The following MYBPC1 variants were observed in gnomAD, a reference collection of about 807,000 sequenced individuals.
The protein encoded by MYBPC1 is myosin binding protein C1.
In MYBPC1, 52 loss-of-function variants were observed where a neutral mutation model predicts 147.1. The observed-to-expected ratio is 0.35, with a 90% CI of 0.28 to 0.45. The LOEUF is 0.45. Among genes scored for constraint, MYBPC1 ranks in the 20% least tolerant of loss-of-function variants. The probability of loss-of-function intolerance (pLI) is 1.00; values close to 1 mark genes in which losing one functional copy is unlikely to be tolerated. For synonymous variants in MYBPC1, 477 were observed against 475.9 expected (o/e 1.00, Z -0.03); for missense variants, 1,228 against 1,440.3 (o/e 0.85, Z 2.39).
At chr12:101,641,785 A>C (rs1285762915) in intron 10 of MYBPC1, among the ~76,000 whole-genome samples, 1 of 152,106 alleles carries the variant, frequency 6.6e-6, no homozygotes, top group African/African-American at 2.4e-5. Flanking sequence ...CAGTATCCAT[A>C]AAAACCATGT....
chr12:101,629,037 A>G, intron 5 of MYBPC1: 1 of 298,324 alleles, frequency 3.4e-6, no homozygotes, highest in Non-Finnish European at 6.5e-6. Context: ...ATGTAGTTGT[A>G]TCGATGTGGC....
At chr12:101,649,529 T>C in intron 15 of MYBPC1, 103 bp downstream of exon 15, 1 of 1,342,958 alleles carries the variant, frequency 7.4e-7, no homozygotes, top group Admixed American at 1.7e-5. Flanking sequence ...TTGCGATGAT[T>C]TTTAAGTATG....
chr12:101,689,439 T>C (rs1039691065), downstream of MYBPC1, among the ~76,000 whole-genome samples: 40 of 152,132 alleles, frequency 2.6e-4, no homozygotes, highest in Admixed American at 2.6e-3. Context: ...TCAAACCCAG[T>C]ATGGTTCACT....
At position 101,594,992 on chromosome 12, in the gene MYBPC1, T is replaced by A; in HGVS notation, c.-79T>A. 1 of 1,427,120 alleles carries A rather than the reference T, an allele frequency of 7.0e-7. No individual in the cohort carries two copies. Among genetic ancestry groups the A allele is most frequent in the Non-Finnish European group, 9.9e-7 (1 of 1,012,102 alleles). 88.4% of individuals were successfully genotyped at this position (1,427,120 alleles called of 1,614,324 possible). A position where few individuals can be genotyped will look rare whatever the true frequency, so the allele number is the denominator to read the frequency against. ...GCTTGTCACACCGACCTGCACCATC[T>A]CTCGCCTGCCTGTGGGGTTTCTGTC... is the stretch of plus-strand genomic sequence containing the variant. On this transcript the variant is annotated 5_prime_UTR_variant, in exon 1 of 32. Transcript: ENST00000361466.
At chr12:101,690,185 A>AT (rs766603328), downstream of MYBPC1, among the ~76,000 whole-genome samples, 1 of 152,072 alleles carries the variant, frequency 6.6e-6, no homozygotes, top group African/African-American at 2.4e-5. Context: ...AAAAAAAAAA[A>AT]GAAATGAAAA....
At chr12:101,679,704 T>G (rs900767091) in intron 28 of MYBPC1, among the ~76,000 whole-genome samples, 2 of 151,992 alleles carry the variant, frequency 1.3e-5, no homozygotes, top group Non-Finnish European at 2.9e-5. Flanking sequence ...GAGGACAGAT[T>G]AAGTAATGAG....
intron 10 of MYBPC1, among the ~76,000 whole-genome samples, chr12:101,637,760 G>A (rs1727090): frequency 6.6e-6 from 1 of 152,112 alleles, no homozygotes; most frequent in African/African-American, 2.4e-5. Context: ...TGTTTAGTTA[G>A]ATAGCTGTAT....
chr12:101,666,021 A>G (rs546545630), intron 22 of MYBPC1, among the ~76,000 whole-genome samples: 3 of 152,070 alleles, frequency 2.0e-5, no homozygotes, highest in Non-Finnish European at 1.5e-5. Flanking sequence ...CCAGTCCCCA[A>G]TGCCTCCACT....
rs1343020898 is a variant in MYBPC1 at position 101,646,796 on chromosome 12, C to A, written c.999C>A (p.Ile333=). ...TTGAACACAAAGGATGCCAGAGAATCCTGTTTATCAATAACTGTCAGATGA... is the reference window on the plus strand; with the variant it reads ...TTGAACACAAAGGATGCCAGAGAATACTGTTTATCAATAACTGTCAGATGA... The part of the protein sequence containing the change: ...YIFEHKGCQR[I]LFINNCQMTD... Residue 333 remains isoleucine, a synonymous_variant, in exon 13 of 32, where the codon ATC becomes ATA. Coordinates refer to ENST00000361466, the MANE Select transcript of MYBPC1 (RefSeq NM_002465.4). The A allele has an allele frequency of 1.2e-6, 2 of 1,613,184 alleles. No individual in the cohort carries two copies. Among genetic ancestry groups the A allele is most frequent in the Non-Finnish European group, 1.7e-6 (2 of 1,179,122 alleles).
chr12:101,642,342 C>T lies in MYBPC1; in HGVS notation c.666-77C>T, dbSNP rs1005624732. 2.8e-5 allele frequency: 42 copies of T among 1,488,846 alleles called. 1 individual carries two copies. Among genetic ancestry groups the T allele is most frequent in the Non-Finnish European group, 3.4e-5 (37 of 1,072,868 alleles). The allele number at this position is 1,488,846 out of a possible 1,614,324, so 92.2% of individuals were successfully genotyped here. A position where few individuals can be genotyped will look rare whatever the true frequency, so the allele number is the denominator to read the frequency against. The stretch of plus-strand genomic sequence containing the variant: ...GCTTTTTTACACTGAACTGAAAAAG[C>T]AGAATTATACCTCGACCTTCGTGGT... On this transcript the variant is annotated intron_variant, in intron 10 of 31. Coordinates refer to ENST00000361466, the MANE Select transcript of MYBPC1 (RefSeq NM_002465.4).
chr12:101,606,553 C>A (rs2135670955), intron 1 of MYBPC1, among the ~76,000 whole-genome samples: 1 of 151,960 alleles, frequency 6.6e-6, no homozygotes, highest in South Asian at 2.1e-4. Flanking sequence ...AGCCACCCAC[C>A]CCAGTCTCCT....
intron 10 of MYBPC1, among the ~76,000 whole-genome samples, chr12:101,641,600 G>T (rs572271088): frequency 1.2e-4 from 19 of 152,168 alleles, no homozygotes; most frequent in Non-Finnish European, 8.8e-5. Flanking sequence ...ACTTTCCCTT[G>T]TTCATGGTGC....
chr12:101,633,173 C>G (rs1298382450), intron 8 of MYBPC1, among the ~76,000 whole-genome samples: 1 of 152,132 alleles, frequency 6.6e-6, no homozygotes, highest in Non-Finnish European at 1.5e-5. Context: ...TCTGCCTGGA[C>G]CTCTTCTCGA....
Position 101,647,373 on chromosome 12 carries a change from C to T in MYBPC1, c.1090+486C>T, listed in dbSNP as rs116394656. Reference sequence around the variant, plus strand: ...TGAGATCTCTGTCATCCATCTGGAACTAGGATCAAAGATTTGAGTTTTATA... The same window carrying T: ...TGAGATCTCTGTCATCCATCTGGAATTAGGATCAAAGATTTGAGTTTTATA... On this transcript the variant is annotated intron_variant, in intron 13 of 31. Coordinates refer to ENST00000361466, the MANE Select transcript of MYBPC1 (RefSeq NM_002465.4). 5.7e-3 allele frequency among the ~76,000 whole-genome samples: 869 copies of T among 152,316 alleles called. 6 individuals carry two copies. Among genetic ancestry groups the T allele is most frequent in the African/African-American group, 0.019 (809 of 41,574 alleles).
chr12:101,615,629 T>C (rs1328137789), intron 2 of MYBPC1, among the ~76,000 whole-genome samples: 2 of 144,812 alleles, frequency 1.4e-5, no homozygotes, highest in Admixed American at 1.4e-4. Context: ...AGCCAAAACA[T>C]TAAAACATTA....
intron 4 of MYBPC1, 135 bp downstream of exon 4, chr12:101,627,045 C>T: frequency 1.3e-6 from 1 of 764,964 alleles, no homozygotes; most frequent in Non-Finnish European, 2.2e-6. Context: ...TGTGCTGGCA[C>T]CAAGAAGGAA....
intron 28 of MYBPC1, among the ~76,000 whole-genome samples, chr12:101,679,200 A>G (rs1311619629): frequency 6.6e-6 from 1 of 151,836 alleles, no homozygotes; most frequent in Non-Finnish European, 1.5e-5. Context: ...TAAGGATGAG[A>G]GAAAGGTGCT....
At chr12:101,632,162 T>A in intron 8 of MYBPC1, 24 bp downstream of exon 8, 1 of 1,508,436 alleles carries the variant, frequency 6.6e-7, no homozygotes, top group Non-Finnish European at 9.2e-7. Flanking sequence ...CTTGCCTAGA[T>A]AAATGTAATT....
At chr12:101,602,440 C>T (rs1340489581) in intron 1 of MYBPC1, among the ~76,000 whole-genome samples, 1 of 152,184 alleles carries the variant, frequency 6.6e-6, no homozygotes, top group African/African-American at 2.4e-5. Context: ...TGGTCTCAAA[C>T]TCCTGACCTC....
Sources: allele counts gnomAD v4.1 joint callset (sites outside exome capture counted in the v4.1 genomes callset), GRCh38; gene constraint gnomAD v4.1.1; transcripts MANE v1.5; gene names NCBI Gene and HGNC (gene_info 2026-07-23, HGNC 2026-07-21).